Variants in AGPS observed in about 807,000 individuals in gnomAD.
AGPS encodes alkylglycerone phosphate synthase, also known as alkyldihydroxyacetonephosphate synthase, peroxisomal.
Under a neutral mutation model 90.7 loss-of-function variants are expected in AGPS, and 26 were observed. The observed-to-expected ratio is 0.29, with a 90% CI of 0.21 to 0.40. The LOEUF is 0.40. Ranked by LOEUF, AGPS falls within the 10% of genes least tolerant of loss-of-function variation. The pLI is 1.00. For synonymous variants in AGPS, 294 were observed against 285.3 expected (o/e 1.03, Z -0.31); for missense variants, 540 against 816.1 (o/e 0.66, Z 4.12).
intron 7 of AGPS, 41 bp from the exon 8 acceptor site, chr2:177,445,505 G>A (rs769144646): frequency 1.2e-5 from 17 of 1,473,840 alleles, no homozygotes; most frequent in Admixed American, 8.4e-5. Flanking sequence ...GAAAATATTA[G>A]TAGTTCCTGG....
intron 9 of AGPS, among the ~76,000 whole-genome samples, chr2:177,465,212 T>C (rs1417114786): frequency 6.6e-6 from 1 of 152,208 alleles, no homozygotes; most frequent in African/African-American, 2.4e-5. Context: ...GATAACTGCT[T>C]GAGCCCAGGA....
intron 7 of AGPS, among the ~76,000 whole-genome samples, chr2:177,443,143 G>C (rs531499503): frequency 6.6e-6 from 1 of 151,810 alleles, no homozygotes; most frequent in Non-Finnish European, 1.5e-5. Flanking sequence ...GTATAATCTC[G>C]TTTAAAAAGG....
chr2:177,434,854 TC>T (rs1686350464), intron 3 of AGPS, among the ~76,000 whole-genome samples: 1 of 151,566 alleles, frequency 6.6e-6, no homozygotes. Context: ...AAATGTAAAA[TC>T]ACATTTAGTA....
intron 7 of AGPS, among the ~76,000 whole-genome samples, chr2:177,444,377 T>C (rs1042536002): frequency 1.3e-4 from 19 of 141,228 alleles, no homozygotes; most frequent in Non-Finnish European, 2.5e-4. Context: ...GCCAAGATCA[T>C]GCCACTGCAC....
At chr2:177,412,337 A>T (rs1400614148) in intron 1 of AGPS, among the ~76,000 whole-genome samples, 2 of 152,140 alleles carry the variant, frequency 1.3e-5, no homozygotes, top group African/African-American at 4.8e-5. Context: ...CCATGATGTC[A>T]ACCGGCTAAT....
intron 1 of AGPS, among the ~76,000 whole-genome samples, chr2:177,396,750 A>T (rs1331047150): frequency 1.3e-5 from 2 of 152,168 alleles, no homozygotes; most frequent in African/African-American, 4.8e-5. Context: ...TGACACCATT[A>T]AAGTTTAATC....
intron 10 of AGPS, among the ~76,000 whole-genome samples, chr2:177,475,595 C>T (rs143997735): frequency 1.1e-3 from 160 of 152,266 alleles, no homozygotes; most frequent in African/African-American, 3.7e-3. Context: ...CTTTCACTTA[C>T]CACATTTTAA....
At chr2:177,420,486 G>GA (rs1685912625) in intron 2 of AGPS, 128 bp downstream of exon 2, 1 of 705,608 alleles carries the variant, frequency 1.4e-6, no homozygotes, top group East Asian at 2.8e-5. Flanking sequence ...TGCCATAACT[G>GA]CTTTTTGTCT....
At chr2:177,429,572 G>C (rs553700080) in intron 2 of AGPS, among the ~76,000 whole-genome samples, 121 of 152,188 alleles carry the variant, frequency 8.0e-4, no homozygotes, top group African/African-American at 2.7e-3. Context: ...CTTTTTCGTA[G>C]GGCTGCTGTG....
chr2:177,520,979 G>C (rs985676232), intron 17 of AGPS, among the ~76,000 whole-genome samples: 44 of 152,170 alleles, frequency 2.9e-4, no homozygotes, highest in African/African-American at 1.0e-3. Context: ...AGAAGTTTTA[G>C]TAACATGGGA....
At chr2:177,452,949 T>C (rs1233318306) in intron 8 of AGPS, among the ~76,000 whole-genome samples, 5 of 152,094 alleles carry the variant, frequency 3.3e-5, no homozygotes, top group Non-Finnish European at 7.4e-5. Context: ...GCATCTTGTG[T>C]ATTTACCCAT....
At chr2:177,498,575 A>G (rs1688474947) in intron 13 of AGPS, among the ~76,000 whole-genome samples, 1 of 151,274 alleles carries the variant, frequency 6.6e-6, no homozygotes, top group Admixed American at 6.6e-5. Context: ...TCCTCCAGTA[A>G]TATGATCAGG....
chr2:177,481,460 G>A lies in AGPS; in HGVS notation c.1106-599G>A, dbSNP rs16865306. ...TTAAAGAGCATTTCTTTTATTGGTG[G>A]TCATCTTATGTTAGATATTTATAAT... On this transcript the variant is annotated intron_variant, in intron 10 of 19. Transcript: ENST00000264167. 4.0e-3 allele frequency among the ~76,000 whole-genome samples: 610 copies of A among 150,636 alleles called. 5 individuals carry two copies. The highest frequency in any genetic ancestry group is 0.033 in the East Asian group (167 of 5,138).
Position 177,523,822 on chromosome 2 carries a change from G to A in AGPS, c.1855+17G>A. 2 of 1,602,072 alleles carry A rather than the reference G, an allele frequency of 1.2e-6. No individual in the cohort carries two copies. The highest frequency in any genetic ancestry group is 1.7e-6 in the Non-Finnish European group (2 of 1,169,142). Reference sequence around the variant, plus strand: ...ACCATGGAGGTATTCTTTTTTGGGAGTAGAATTTCTAATATTCTTACTTTA... The same window carrying A: ...ACCATGGAGGTATTCTTTTTTGGGAATAGAATTTCTAATATTCTTACTTTA... On this transcript the variant is annotated intron_variant, in intron 19 of 19. Coordinates refer to ENST00000264167, the MANE Select transcript of AGPS (RefSeq NM_003659.4).
chr2:177,510,465 A>G (rs1188171770), intron 16 of AGPS, among the ~76,000 whole-genome samples: 1 of 152,208 alleles, frequency 6.6e-6, no homozygotes, highest in Non-Finnish European at 1.5e-5. Context: ...TCACCGGGAC[A>G]GTGGATTAGT....
Position 177,451,257 on chromosome 2 carries a change from C to T in AGPS, c.870+5631C>T, listed in dbSNP as rs994152676. Among the ~76,000 whole-genome samples the T allele has an allele frequency of 3.2e-4, 48 of 151,876 alleles. 1 individual carries two copies. The highest frequency in any genetic ancestry group is 4.8e-5 in the African/African-American group (2 of 41,320). On this transcript the variant is annotated intron_variant, in intron 8 of 19. Coordinates refer to ENST00000264167, the MANE Select transcript of AGPS (RefSeq NM_003659.4). ...CGGTATGAGCCACCATACCTGGCCTCGTATATTTTTAAAAACAGGATTTGT... is the reference window on the plus strand; with the variant it reads ...CGGTATGAGCCACCATACCTGGCCTTGTATATTTTTAAAAACAGGATTTGT...
rs925070068 is a variant in AGPS, at chr2:177,543,646, A to C, written c.*5451A>C. 3 of 152,246 alleles carry C rather than the reference A, an allele frequency of 2.0e-5. No homozygotes were observed. The highest frequency in any genetic ancestry group is 7.2e-5 in the African/African-American group (3 of 41,466). The allele number at this position is 152,246 out of a possible 1,614,324, so 9.4% of individuals were successfully genotyped here. A position where few individuals can be genotyped will look rare whatever the true frequency, so the allele number is the denominator to read the frequency against. ...GAAAATTCCTGAGAGATTCCAGCAT[A>C]GCTTTGTCAATTCCGACTGAGCCAT... On this transcript the variant is annotated 3_prime_UTR_variant, in exon 20 of 20. Coordinates refer to ENST00000264167, the MANE Select transcript of AGPS (RefSeq NM_003659.4).
chr2:177,406,998 G>A (rs1490888887), intron 1 of AGPS, among the ~76,000 whole-genome samples: 1 of 152,210 alleles, frequency 6.6e-6, no homozygotes, highest in Non-Finnish European at 1.5e-5. Context: ...TACTCCTTGT[G>A]TGGCCATCAT....
At chr2:177,504,185 C>G (rs1662737551) in intron 14 of AGPS, among the ~76,000 whole-genome samples, 1 of 152,146 alleles carries the variant, frequency 6.6e-6, no homozygotes, top group Admixed American at 6.5e-5. Context: ...GTTTCCTAGA[C>G]CTGTGGTGCT....
Sources: gnomAD v4.1 joint callset for allele counts (sites outside exome capture counted in the v4.1 genomes callset) on GRCh38, gnomAD v4.1.1 for gene constraint, MANE v1.5 for transcripts, NCBI Gene and HGNC (gene_info 2026-07-23, HGNC 2026-07-21) for gene names.